The following DTNA variants were observed in gnomAD, a reference collection of about 807,000 sequenced individuals.
DTNA encodes dystrophin-related protein 3.
Under a neutral mutation model 100.7 loss-of-function variants are expected in DTNA, and 43 were observed. The ratio of observed to expected loss-of-function variants is 0.43; its 90% CI spans 0.33 to 0.55. DTNA has a LOEUF of 0.55. DTNA is among the 20% of genes least tolerant of loss of function. The probability of loss-of-function intolerance (pLI) is 0.04; values close to 1 mark genes in which losing one functional copy is unlikely to be tolerated. For synonymous variants in DTNA, 349 were observed against 347.9 expected (o/e 1.00, Z -0.04); for missense variants, 798 against 953.9 (o/e 0.84, Z 2.15).
chr18:34,789,769 C>G (rs1306075483), intron 3 of DTNA, among the ~76,000 whole-genome samples: 1 of 151,944 alleles, frequency 6.6e-6, no homozygotes, highest in Non-Finnish European at 1.5e-5. Flanking sequence ...ATATTAGGAC[C>G]TTCAATATGT....
chr18:34,812,803 G>T (rs565528743), intron 6 of DTNA, among the ~76,000 whole-genome samples: 142 of 152,168 alleles, frequency 9.3e-4, no homozygotes, highest in Middle Eastern at 3.4e-3. Context: ...GGGCTTAATT[G>T]TCTCACTCAG....
At chr18:34,863,124 A>T (rs1164943297) in intron 16 of DTNA, among the ~76,000 whole-genome samples, 1 of 152,242 alleles carries the variant, frequency 6.6e-6, no homozygotes, top group African/African-American at 2.4e-5. Context: ...ATCATTCAGT[A>T]ATGGATTTGG....
chr18:34,600,252 G>C (rs1181300987), intron 1 of DTNA, among the ~76,000 whole-genome samples: 1 of 152,006 alleles, frequency 6.6e-6, no homozygotes, highest in African/African-American at 2.4e-5. Flanking sequence ...ATATAAAATA[G>C]AAACACATTT....
At chr18:34,681,597 G>A (rs1002175304) in intron 1 of DTNA, among the ~76,000 whole-genome samples, 8 of 152,104 alleles carry the variant, frequency 5.3e-5, no homozygotes, top group African/African-American at 1.9e-4. Context: ...CATGCAGTGT[G>A]TCATTTATTT....
chr18:34,822,394 C>G (rs940765627), intron 9 of DTNA: 4 of 152,232 alleles, frequency 2.6e-5, no homozygotes, highest in Admixed American at 2.6e-4. Context: ...GAGTAATTTC[C>G]TACCAGCCCT....
chr18:34,817,975 C>G, intron 7 of DTNA, 189 bp from the exon 8 acceptor site: 1 of 1,478,188 alleles, frequency 6.8e-7, no homozygotes, highest in Admixed American at 2.1e-5. Context: ...ATTTCATTTC[C>G]CCACAGGCAT....
intron 1 of DTNA, among the ~76,000 whole-genome samples, chr18:34,713,154 A>G (rs1312979230): frequency 1.3e-5 from 2 of 152,160 alleles, no homozygotes; most frequent in Non-Finnish European, 2.9e-5. Context: ...TACCATGATC[A>G]TGATGATAAT....
rs751212986 is a variant in DTNA, at chr18:34,820,908, C to T, written c.994C>T (p.His332Tyr). 3 of 1,613,972 alleles carry T rather than the reference C, an allele frequency of 1.9e-6. No homozygotes were observed. The highest frequency in any genetic ancestry group is 1.1e-5 in the South Asian group (1 of 91,076). The change falls in exon 9 of 23, where the codon CAC (histidine) becomes TAC (tyrosine). Residue 332 changes from histidine (H) to tyrosine (Y), a missense_variant. Transcript: ENST00000444659. ...GCCTGAGAAGCCACTCAACTTGGCT[C>T]ACATCGTGTGAGTATCCCTACCCTC... is the stretch of plus-strand genomic sequence containing the variant. ...DQPEKPLNLA[H>Y]IVPPRPVTSM... is the part of the protein sequence containing the mutation.
At chr18:34,794,351 T>A in intron 4 of DTNA, 101 bp downstream of exon 4, 1 of 1,337,376 alleles carries the variant, frequency 7.5e-7, no homozygotes, top group Non-Finnish European at 1.1e-6. Flanking sequence ...CTCTCTTTTT[T>A]TTTTTACTCT....
At chr18:34,665,822 C>T (rs1184394879) in intron 1 of DTNA, among the ~76,000 whole-genome samples, 1 of 152,090 alleles carries the variant, frequency 6.6e-6, no homozygotes, top group South Asian at 2.1e-4. Context: ...CAGTCTATCA[C>T]TGTTGGACAT....
At chr18:34,874,979 C>T (rs2096800746) in intron 17 of DTNA, among the ~76,000 whole-genome samples, 1 of 152,224 alleles carries the variant, frequency 6.6e-6, no homozygotes, top group Non-Finnish European at 1.5e-5. Flanking sequence ...TTTATGGGCA[C>T]ATGTCCCATA....
At position 34,623,222 on chromosome 18, in the gene DTNA, G is replaced by A. The variant is rs536032964; in HGVS notation, c.-2+129708G>A. ...AAAAATGCAGGCTTCACCTAAAAAA[G>A]GAACAAAAATCTGATTCAGGAAGCA... On this transcript the variant is annotated intron_variant, in intron 1 of 19. Coordinates refer to the DTNA transcript ENST00000283365. Among the ~76,000 whole-genome samples, 14 of 152,118 alleles carry A rather than the reference G, an allele frequency of 9.2e-5. No homozygotes were observed. In the South Asian group the frequency reaches 2.9e-3, roughly 32 times the overall value.
chr18:34,614,500 A>G (rs915321579), intron 1 of DTNA, among the ~76,000 whole-genome samples: 17 of 152,220 alleles, frequency 1.1e-4, no homozygotes, highest in African/African-American at 4.1e-4. Flanking sequence ...TCCATCCTAG[A>G]TGCTATTAAG....
intron 3 of DTNA, among the ~76,000 whole-genome samples, chr18:34,769,820 C>T (rs968876987): frequency 4.1e-5 from 6 of 147,994 alleles, no homozygotes; most frequent in African/African-American, 1.5e-4. Flanking sequence ...CTCCCAGGTT[C>T]AAGCAATTCT....
At chr18:34,515,592 G>A (rs1401243709) in intron 1 of DTNA, among the ~76,000 whole-genome samples, 1 of 152,028 alleles carries the variant, frequency 6.6e-6, no homozygotes, top group Non-Finnish European at 1.5e-5. Flanking sequence ...TGTTACTGTT[G>A]TTCTCTACTA....
Position 34,686,722 on chromosome 18 carries a change from C to T in DTNA, c.-1-69254C>T, listed in dbSNP as rs976115749. Among the ~76,000 whole-genome samples, 4 of 152,104 alleles carry T rather than the reference C, an allele frequency of 2.6e-5. No individual in the cohort carries two copies. The East Asian group carries it at 7.7e-4, about 29-fold the overall frequency. Reference sequence around the variant, plus strand: ...TGTTTCAGAAGGAATGGTACCAGCTCCTCTTTTTACCTCTGGTAGAATTTG... The same window carrying T: ...TGTTTCAGAAGGAATGGTACCAGCTTCTCTTTTTACCTCTGGTAGAATTTG... On this transcript the variant is annotated intron_variant, in intron 1 of 19. Transcript: ENST00000283365.
intron 1 of DTNA, among the ~76,000 whole-genome samples, chr18:34,554,792 G>T (rs1273690927): frequency 6.8e-6 from 1 of 147,076 alleles, no homozygotes; most frequent in African/African-American, 2.6e-5. Context: ...TTTTATTGAG[G>T]ATTTTTGCAT....
At chr18:34,845,927 A>G (rs1015762957) in intron 13 of DTNA, among the ~76,000 whole-genome samples, 2 of 152,000 alleles carry the variant, frequency 1.3e-5, no homozygotes, top group African/African-American at 4.8e-5. Flanking sequence ...ATATCCTACA[A>G]TTTTCTGTCT....
intron 1 of DTNA, among the ~76,000 whole-genome samples, chr18:34,541,534 A>G (rs537595720): frequency 3.3e-5 from 5 of 152,112 alleles, no homozygotes; most frequent in African/African-American, 1.2e-4. Context: ...GCCTGCCACC[A>G]TGTAAGATGC....
Sources: gnomAD v4.1 joint callset for allele counts (sites outside exome capture counted in the v4.1 genomes callset) on GRCh38, gnomAD v4.1.1 for gene constraint, MANE v1.5 for transcripts, NCBI Gene and HGNC (gene_info 2026-07-23, HGNC 2026-07-21) for gene names.